Variants in THSD7A observed in about 807,000 individuals in gnomAD.
The protein encoded by THSD7A is thrombospondin type-1 domain-containing protein 7A.
In THSD7A, 96 loss-of-function variants were observed where a neutral mutation model predicts 231.3. The observed-to-expected ratio is 0.41, with a 90% CI of 0.35 to 0.49. The LOEUF (loss-of-function observed/expected upper bound fraction) is 0.49. Ranked by LOEUF, THSD7A falls within the 20% of genes least tolerant of loss-of-function variation. THSD7A has a pLI of 0.05. For missense variants in THSD7A, 2,290 were observed against 2,070.2 expected (o/e 1.11, Z -2.06); for synonymous variants, 940 against 743.3 (o/e 1.26, Z -4.30).
At chr7:11,496,420 A>AT (rs774572062) in intron 6 of THSD7A, among the ~76,000 whole-genome samples, 4 of 152,186 alleles carry the variant, frequency 2.6e-5, no homozygotes, top group Non-Finnish European at 2.9e-5. Context: ...GGATTAGGAA[A>AT]TGAGGCCCAT....
chr7:11,661,086 T>C lies in THSD7A; in HGVS notation c.191-24125A>G, dbSNP rs1782912850. On this transcript the variant is annotated intron_variant, in intron 1 of 27. Transcript: ENST00000423059. Reference sequence around the variant, plus strand: ...ATGGACCTTAAAAGGAAATATGATGTAATTGTTTCAGGAAGAAGTAACCAT... The same window carrying C: ...ATGGACCTTAAAAGGAAATATGATGCAATTGTTTCAGGAAGAAGTAACCAT... Among the ~76,000 whole-genome samples, 3 of 151,426 alleles carry C rather than the reference T, an allele frequency of 2.0e-5. No individual in the cohort carries two copies. The South Asian group carries it at 6.2e-4, about 31-fold the overall frequency.
chr7:11,789,175 G>A (rs1223777647), intron 1 of THSD7A, among the ~76,000 whole-genome samples: 2 of 151,924 alleles, frequency 1.3e-5, no homozygotes, highest in African/African-American at 4.8e-5. Context: ...GCAAAGTGGT[G>A]TCATTGAACA....
chr7:11,605,028 T>C (rs1464275897), intron 2 of THSD7A, among the ~76,000 whole-genome samples: 1 of 151,922 alleles, frequency 6.6e-6, no homozygotes, highest in East Asian at 1.9e-4. Flanking sequence ...AGGACTGTAA[T>C]GTTCATTTCT....
intron 1 of THSD7A, among the ~76,000 whole-genome samples, chr7:11,712,330 G>C (rs1403608264): frequency 6.6e-6 from 1 of 150,976 alleles, no homozygotes; most frequent in African/African-American, 2.4e-5. Context: ...CCATTGGTTT[G>C]AGTTTAGGCT....
chr7:11,649,025 T>C (rs1488763235), intron 1 of THSD7A, among the ~76,000 whole-genome samples: 2 of 152,062 alleles, frequency 1.3e-5, no homozygotes, highest in African/African-American at 2.4e-5. Flanking sequence ...CTCTCTGATA[T>C]TGCATGGAGA....
chr7:11,740,921 G>A (rs892743281), intron 1 of THSD7A, among the ~76,000 whole-genome samples: 4 of 151,922 alleles, frequency 2.6e-5, no homozygotes, highest in African/African-American at 7.2e-5. Context: ...CTGAATTACT[G>A]AACATGTGAA....
rs1026019633 is a variant in THSD7A, at chr7:11,474,181, A to G, written c.2252+153T>C. On this transcript the variant is annotated intron_variant, in intron 8 of 27. Transcript: ENST00000423059. The surrounding 1 kb of genome is among the most constrained non-coding windows in gnomAD (Gnocchi z 4.1). ...TAAAACTCAAAGCTGTTATAGCTTT[A>G]TCAGTGGCTGACTTTCAAAACAAAC... 1.6e-4 allele frequency among the ~76,000 whole-genome samples: 24 copies of G among 152,232 alleles called. No homozygotes were observed. Among genetic ancestry groups the G allele is most frequent in the African/African-American group, 5.8e-4 (24 of 41,470 alleles).
chr7:11,720,283 A>G (rs916854238), intron 1 of THSD7A, among the ~76,000 whole-genome samples: 6 of 151,736 alleles, frequency 4.0e-5, no homozygotes, highest in African/African-American at 1.4e-4. Context: ...ATCTCACAAC[A>G]CAAAAAGTAA....
intron 4 of THSD7A, among the ~76,000 whole-genome samples, chr7:11,562,800 G>C (rs1245784055): frequency 6.6e-6 from 1 of 151,978 alleles, no homozygotes; most frequent in Non-Finnish European, 1.5e-5. Flanking sequence ...CATTATGTTA[G>C]GCATTACATG....
chr7:11,635,688 G>C (rs941236920), intron 2 of THSD7A, among the ~76,000 whole-genome samples: 1 of 152,100 alleles, frequency 6.6e-6, no homozygotes, highest in African/African-American at 2.4e-5. Context: ...TTGTTGTTTA[G>C]AGCAGATTTT....
Position 11,602,319 on chromosome 7 carries a change from T to C in THSD7A, c.1023-8817A>G, listed in dbSNP as rs1012902303. ...ATATATGTGTGTGTGTATGTGTATATATGTAGTTTATCTTTTTATAATTTT... is the reference window on the plus strand; with the variant it reads ...ATATATGTGTGTGTGTATGTGTATACATGTAGTTTATCTTTTTATAATTTT... On this transcript the variant is annotated intron_variant, in intron 2 of 27. Coordinates refer to ENST00000423059, the MANE Select transcript of THSD7A (RefSeq NM_015204.3). Among the ~76,000 whole-genome samples, 8 of 152,268 alleles carry C rather than the reference T, an allele frequency of 5.3e-5. No homozygotes were observed. The East Asian group carries it at 5.8e-4, about 11-fold the overall frequency.
chr7:11,666,558 G>C (rs1783140534), intron 1 of THSD7A, among the ~76,000 whole-genome samples: 2 of 151,794 alleles, frequency 1.3e-5, no homozygotes, highest in Non-Finnish European at 2.9e-5. Context: ...ACAGTGATGG[G>C]TATTGGAGAC....
chr7:11,445,301 G>C (rs976120692), intron 13 of THSD7A, among the ~76,000 whole-genome samples: 11 of 151,898 alleles, frequency 7.2e-5, no homozygotes, highest in Admixed American at 7.2e-4. Flanking sequence ...ATTATAAAAA[G>C]ACAGATGTAT....
chr7:11,584,999 G>C (rs1295400270), intron 4 of THSD7A, among the ~76,000 whole-genome samples: 2 of 152,186 alleles, frequency 1.3e-5, no homozygotes, highest in Non-Finnish European at 2.9e-5. Flanking sequence ...AAAGGGAACA[G>C]TAAATATATC....
intron 1 of THSD7A, among the ~76,000 whole-genome samples, chr7:11,769,155 T>TATA (rs1562541467): frequency 2.4e-3 from 97 of 39,930 alleles, no homozygotes; most frequent in East Asian, 8.5e-3. Flanking sequence ...ATATATATAT[T>TATA]TTTTTTTTTT....
intron 23 of THSD7A, among the ~76,000 whole-genome samples, chr7:11,387,678 T>C (rs1004720734): frequency 6.6e-6 from 1 of 152,198 alleles, no homozygotes; most frequent in African/African-American, 2.4e-5. Context: ...ACTTCCTCTT[T>C]TACTATTTGA....
chr7:11,761,960 T>C (rs994902286), intron 1 of THSD7A, among the ~76,000 whole-genome samples: 2 of 152,150 alleles, frequency 1.3e-5, no homozygotes, highest in Admixed American at 1.3e-4. Context: ...TTTATGTTCA[T>C]CTGTACCAAC....
At chr7:11,514,283 A>T (rs944576103) in intron 6 of THSD7A, among the ~76,000 whole-genome samples, 15 of 152,206 alleles carry the variant, frequency 9.9e-5, no homozygotes, top group African/African-American at 3.4e-4. Context: ...CTCTTCTACA[A>T]TGTAAGGTCC....
intron 6 of THSD7A, among the ~76,000 whole-genome samples, chr7:11,528,198 G>A (rs561608884): frequency 2.0e-5 from 3 of 152,064 alleles, no homozygotes; most frequent in South Asian, 2.1e-4. Flanking sequence ...AAAACAACAC[G>A]TGGCTTCATG....
Sources: allele counts gnomAD v4.1 joint callset (sites outside exome capture counted in the v4.1 genomes callset), GRCh38; gene constraint gnomAD v4.1.1; non-coding constraint Gnocchi (gnomAD v3.1); transcripts MANE v1.5; gene names NCBI Gene and HGNC (gene_info 2026-07-23, HGNC 2026-07-21).